The following CARF variants were observed in gnomAD, a reference collection of about 807,000 sequenced individuals.
The protein encoded by CARF is calcium-responsive transcription factor.
Under a neutral mutation model 82.0 loss-of-function variants are expected in CARF, and 57 were observed. The observed-to-expected ratio is 0.70, with a 90% CI of 0.56 to 0.87. CARF has a LOEUF of 0.87. Ranked by LOEUF, CARF falls within the 40% of genes least tolerant of loss-of-function variation. The pLI is 0.00. For synonymous variants in CARF, 268 were observed against 290.1 expected (o/e 0.92, Z 0.77); for missense variants, 771 against 855.8 (o/e 0.90, Z 1.24).
chr2:202,958,365 G>A (rs200478792), intron 8 of CARF, among the ~76,000 whole-genome samples: 2 of 151,184 alleles, frequency 1.3e-5, no homozygotes, highest in Non-Finnish European at 2.9e-5. Flanking sequence ...TGTTTGATGA[G>A]GGTTTTAAAA....
chr2:202,939,681 T>TTTTC (rs1409435393), intron 3 of CARF, among the ~76,000 whole-genome samples: 1 of 147,884 alleles, frequency 6.8e-6, no homozygotes. Flanking sequence ...CATTGCCTTT[T>TTTTC]TTTCTTTTTT....
At chr2:202,972,904 T>C (rs1433379237) in intron 12 of CARF, among the ~76,000 whole-genome samples, 1 of 152,168 alleles carries the variant, frequency 6.6e-6, no homozygotes, top group African/African-American at 2.4e-5. Context: ...CCTTGAGTTA[T>C]ATCGTTCTGT....
chr2:202,970,974 T>C (rs994261747), intron 11 of CARF, among the ~76,000 whole-genome samples: 2 of 152,056 alleles, frequency 1.3e-5, no homozygotes, highest in Non-Finnish European at 2.9e-5. Flanking sequence ...GTTGAGCTCC[T>C]GTGAGGAAAG....
chr2:202,935,987 G>A (rs1351426301), intron 3 of CARF, among the ~76,000 whole-genome samples: 2 of 151,550 alleles, frequency 1.3e-5, no homozygotes, highest in African/African-American at 4.9e-5. Flanking sequence ...CAGCTAATTT[G>A]TTTTTATTAA....
At chr2:202,946,291 C>A (rs935607042) in intron 5 of CARF, among the ~76,000 whole-genome samples, 18 of 152,110 alleles carry the variant, frequency 1.2e-4, no homozygotes, top group Admixed American at 2.0e-4. Context: ...GTACTGGTAT[C>A]AAAACAGATA....
intron 12 of CARF, 45 bp from the exon 13 acceptor site, chr2:202,974,289 T>C (rs746753108): frequency 2.1e-6 from 3 of 1,423,726 alleles, no homozygotes; most frequent in Non-Finnish European, 9.4e-7. Context: ...TAAAGGCATA[T>C]TGCTAAATGG....
At chr2:202,945,234 C>G (rs1395822971) in intron 5 of CARF, among the ~76,000 whole-genome samples, 1 of 152,134 alleles carries the variant, frequency 6.6e-6, no homozygotes, top group Admixed American at 6.5e-5. Context: ...ACTTCCTGTA[C>G]CTGCACGTGC....
chr2:202,943,034 C>T, intron 5 of CARF, 67 bp downstream of exon 5: 4 of 1,206,302 alleles, frequency 3.3e-6, no homozygotes, highest in East Asian at 2.4e-5. Flanking sequence ...TACTAAATGA[C>T]CTTAATTTCT....
intron 6 of CARF, among the ~76,000 whole-genome samples, chr2:202,953,145 G>T (rs1300101698): frequency 1.3e-5 from 2 of 151,892 alleles, no homozygotes; most frequent in Non-Finnish European, 2.9e-5. Flanking sequence ...TCAGCCTCCT[G>T]AGTAGCAGGG....
At chr2:202,969,550 G>C (rs930571661) in intron 10 of CARF, among the ~76,000 whole-genome samples, 1 of 151,424 alleles carries the variant, frequency 6.6e-6, no homozygotes, top group African/African-American at 2.4e-5. Flanking sequence ...ACTCCAGCCT[G>C]GGCAACAAGA....
intron 3 of CARF, among the ~76,000 whole-genome samples, chr2:202,931,861 G>A (rs1173077695): frequency 1.3e-5 from 2 of 152,056 alleles, no homozygotes; most frequent in Admixed American, 6.5e-5. Context: ...CTACAGGAGC[G>A]CTGGGTTCCA....
At position 202,954,258 on chromosome 2, in the gene CARF, A is replaced by G. The variant is rs1045390302; in HGVS notation, c.557+124A>G. 7.0e-6 allele frequency: 8 copies of G among 1,136,672 alleles called. No homozygotes were observed. In the Admixed American group the frequency reaches 2.2e-4, roughly 31 times the overall value. The allele number at this position is 1,136,672 out of a possible 1,614,324, so 70.4% of individuals were successfully genotyped here. The stretch of plus-strand genomic sequence containing the variant: ...AAGATAGAAGGAACTATCATTGAAT[A>G]TATCTTTAGTTATTTTAAGGCATCT... On this transcript the variant is annotated intron_variant, in intron 7 of 16. Transcript: ENST00000438828.
intron 14 of CARF, among the ~76,000 whole-genome samples, chr2:202,980,616 GTATATATATATATATATATATATATATA>G (rs34656288): frequency 0.42 from 18,157 of 42,876 alleles, 3,191 homozygotes; most frequent in East Asian, 0.7. Flanking sequence ...CGTCTTTCAA[GTATATATATATATATATATATATATATA>G]TATATATATA....
At chr2:202,982,486 G>A in intron 16 of CARF, 45 bp downstream of exon 16, 1 of 1,598,788 alleles carries the variant, frequency 6.3e-7, no homozygotes, top group Non-Finnish European at 8.6e-7. Flanking sequence ...AACCTTTGTG[G>A]ATTATCATCA....
chr2:202,941,714 GTTAATTTT>G (rs140061969), intron 3 of CARF, 138 bp from the exon 4 acceptor site: 44,260 of 444,192 alleles, frequency 0.1, 2,632 homozygotes, highest in Non-Finnish European at 0.13. Flanking sequence ...TTTAAAAAGT[GTTAATTTT>G]TTAATCTATA....
chr2:202,968,099 AT>A (rs1490250972), intron 10 of CARF, among the ~76,000 whole-genome samples: 1 of 152,172 alleles, frequency 6.6e-6, no homozygotes. Flanking sequence ...CACATCTCAC[AT>A]TATAAATACC....
At position 202,981,429 on chromosome 2, in the gene CARF, A is replaced by G. The variant is rs1383024953; in HGVS notation, c.1559-126A>G. The G allele has an allele frequency of 4.4e-6, 3 of 687,226 alleles. No individual in the cohort carries two copies. In the East Asian group the frequency reaches 8.7e-5, roughly 20 times the overall value. 42.6% of individuals were successfully genotyped at this position (687,226 alleles called of 1,614,324 possible). A position where few individuals can be genotyped will look rare whatever the true frequency, so the allele number is the denominator to read the frequency against. ...ACCCTTGGGCTAGATGACTTATTGAAGTCCTTTGCAAAACTTTGAAAGTAT... is the reference window on the plus strand; with the variant it reads ...ACCCTTGGGCTAGATGACTTATTGAGGTCCTTTGCAAAACTTTGAAAGTAT... On this transcript the variant is annotated intron_variant, in intron 14 of 16. Transcript: ENST00000438828.
chr2:202,964,722 C>T (rs984168831), intron 9 of CARF, among the ~76,000 whole-genome samples: 3 of 151,888 alleles, frequency 2.0e-5, no homozygotes, highest in African/African-American at 7.3e-5. Context: ...AGTATATGGT[C>T]AATCTTGTCT....
chr2:202,981,120 T>G (rs533002243), intron 14 of CARF, among the ~76,000 whole-genome samples: 2 of 152,330 alleles, frequency 1.3e-5, no homozygotes, highest in South Asian at 4.1e-4. Context: ...CCAGCCTTTT[T>G]GGCATCAAGG....
Sources: allele counts gnomAD v4.1 joint callset (sites outside exome capture counted in the v4.1 genomes callset), GRCh38; gene constraint gnomAD v4.1.1; transcripts MANE v1.5; gene names NCBI Gene and HGNC (gene_info 2026-07-23, HGNC 2026-07-21).